TRMO: variants seen among roughly 807,000 people sequenced by gnomAD.
The protein encoded by TRMO is tRNA (adenine(37)-N6)-methyltransferase.
A neutral mutation model predicts 37.2 loss-of-function variants in TRMO; 30 were observed. The observed-to-expected ratio is 0.81, with a 90% CI of 0.60 to 1.09. The LOEUF (loss-of-function observed/expected upper bound fraction) is 1.09, where lower values mean the gene tolerates loss of function less well. Among genes scored for constraint, TRMO ranks in the 50% least tolerant of loss-of-function variants. The pLI, the probability that TRMO is intolerant of heterozygous loss-of-function variation, is 0.00. For missense variants in TRMO, 552 were observed against 549.5 expected, an observed-to-expected ratio of 1.00 and a Z score of -0.05; for synonymous variants, 239 against 199.4, an observed-to-expected ratio of 1.20 and a Z score of -1.67.
At chr9:97,916,457 T>C in intron 1 of TRMO, 119 bp from the exon 2 acceptor site, 2 of 679,744 alleles carry the variant, frequency 2.9e-6, no homozygotes, top group Non-Finnish European at 2.5e-6. Flanking sequence ...CGTGCAACTA[T>C]AAAAATGATT....
At chr9:97,913,931 T>C (rs1045070264) in intron 2 of TRMO, 1 of 158,190 alleles carries the variant, frequency 6.3e-6, no homozygotes, top group Non-Finnish European at 1.4e-5. Flanking sequence ...ATATAATTTA[T>C]CCCCCATTTT....
chr9:97,921,157 A>G (rs1280323133), intron 1 of TRMO, among the ~76,000 whole-genome samples: 1 of 152,272 alleles, frequency 6.6e-6, no homozygotes, highest in East Asian at 1.9e-4. Context: ...TTTAGAATGT[A>G]CACAAACATT....
intron 1 of TRMO, among the ~76,000 whole-genome samples, chr9:97,922,139 G>A (rs558964850): frequency 2.6e-5 from 4 of 152,240 alleles, no homozygotes; most frequent in African/African-American, 7.2e-5. Context: ...ACCCCTAAGA[G>A]AAAAGCCCCT....
chr9:97,919,851 A>G (rs1357226983), intron 1 of TRMO, among the ~76,000 whole-genome samples: 1 of 152,206 alleles, frequency 6.6e-6, no homozygotes, highest in Non-Finnish European at 1.5e-5. Context: ...ACAACACTGG[A>G]TTAGCAATGA....
At chr9:97,911,511 C>A (rs971646370) in intron 3 of TRMO, 1 of 152,266 alleles carries the variant, frequency 6.6e-6, no homozygotes, top group African/African-American at 2.4e-5. Flanking sequence ...TATCAGCTGA[C>A]AATTTAATTG....
At chr9:97,916,651 T>C (rs1826375249) in intron 1 of TRMO, among the ~76,000 whole-genome samples, 1 of 151,334 alleles carries the variant, frequency 6.6e-6, no homozygotes, top group Admixed American at 6.6e-5. Flanking sequence ...TAAAATTCTA[T>C]GCTACCAATA....
chr9:97,915,934 A>G (rs1019654482), intron 2 of TRMO: 2 of 340,396 alleles, frequency 5.9e-6, no homozygotes, highest in Non-Finnish European at 1.1e-5. Context: ...CCAGCTACTC[A>G]GGAGGCTGAG....
At chr9:97,922,284 C>G (rs911232004) in intron 1 of TRMO, 134 bp downstream of exon 1, 3 of 655,708 alleles carry the variant, frequency 4.6e-6, no homozygotes, top group Non-Finnish European at 8.0e-6. Context: ...GCACGTGACC[C>G]GTGCCTTCGC....
In TRMO at chr9:97,904,876, G is replaced by A. The variant is rs760298269; in HGVS notation, c.1183C>T (p.Arg395Cys). The A allele has an allele frequency of 1.3e-5, 21 of 1,614,058 alleles. No homozygotes were observed. The highest frequency in any genetic ancestry group is 4.5e-5 in the East Asian group (2 of 44,896). ...SVYRRKLCQDRLFYFTVDIAH... is the reference protein window; with the variant it reads ...SVYRRKLCQDCLFYFTVDIAH... ...ATGTCTACAGTAAAGTAGAAAAGGCGGTCCTGGCAAAGCTTCCGGCGGTAC... is the reference window on the plus strand; with the variant it reads ...ATGTCTACAGTAAAGTAGAAAAGGCAGTCCTGGCAAAGCTTCCGGCGGTAC... Residue 395 changes from arginine to cysteine, a missense_variant, in exon 5 of 5, where the codon CGC becomes TGC. Coordinates refer to ENST00000375119, the MANE Select transcript of TRMO (RefSeq NM_016481.5).
At chr9:97,897,347 T>C in the TRMO span, among the ~76,000 whole-genome samples, 1 of 152,232 alleles carries the variant, frequency 6.6e-6, no homozygotes, top group Non-Finnish European at 1.5e-5. Flanking sequence ...GGGGTTTTTC[T>C]GTAAAGGGCC....
At chr9:97,908,269 G>A (rs1434565677) in intron 4 of TRMO, among the ~76,000 whole-genome samples, 3 of 152,078 alleles carry the variant, frequency 2.0e-5, no homozygotes, top group Admixed American at 6.6e-5. Context: ...AAAATTAGCT[G>A]GGTGTGGTGG....
intron 3 of TRMO, 77 bp from the exon 4 acceptor site, chr9:97,910,693 C>T: frequency 6.6e-7 from 1 of 1,518,718 alleles, no homozygotes; most frequent in Non-Finnish European, 8.9e-7. Flanking sequence ...AATCCTCTAA[C>T]ACTGTCTGCT....
At chr9:97,906,718 T>C (rs1220601485) in intron 4 of TRMO, among the ~76,000 whole-genome samples, 1 of 151,794 alleles carries the variant, frequency 6.6e-6, no homozygotes, top group African/African-American at 2.4e-5. Context: ...GGCTCACGCC[T>C]GTAATCCCAG....
Position 97,922,474 on chromosome 9 carries a change from G to A in TRMO, c.20C>T (p.Ser7Leu), listed in dbSNP as rs764684064. MRGLEE[S>L]GPRPTATPCG... is the part of the protein sequence containing the mutation. ...CGGGGTCGCTGTAGGCCGAGGCCCC[G>A]ACTCCTCCAAGCCGCGCATGGCTAC... is the stretch of plus-strand genomic sequence containing the variant. Residue 7 changes from serine to leucine, a missense_variant, in exon 1 of 5, where the codon TCG (serine) becomes TTG (leucine). Transcript: ENST00000375119. 3.8e-6 allele frequency: 6 copies of A among 1,584,660 alleles called. No homozygotes were observed. Among genetic ancestry groups the A allele is most frequent in the Non-Finnish European group, 5.1e-6 (6 of 1,166,942 alleles).
chr9:97,909,708 G>A (rs1826020877), intron 4 of TRMO, among the ~76,000 whole-genome samples: 2 of 152,198 alleles, frequency 1.3e-5, no homozygotes, highest in Admixed American at 6.5e-5. Flanking sequence ...GTAAGTCATA[G>A]GCCACCTTGT....
At chr9:97,906,709 G>T (rs923966281) in intron 4 of TRMO, among the ~76,000 whole-genome samples, 4 of 151,900 alleles carry the variant, frequency 2.6e-5, no homozygotes, top group African/African-American at 9.7e-5. Context: ...GGGTGTGGTG[G>T]CTCACGCCTG....
chr9:97,902,852 G>T (rs754129912), downstream of TRMO, among the ~76,000 whole-genome samples: 1 of 152,244 alleles, frequency 6.6e-6, no homozygotes, highest in South Asian at 2.1e-4. Context: ...CTATAGTTAT[G>T]TAAGATGGAA....
At chr9:97,916,078 G>A in intron 2 of TRMO, 86 bp downstream of exon 2, 1 of 934,874 alleles carries the variant, frequency 1.1e-6, no homozygotes. Context: ...CTGGATGGCA[G>A]ACTCCAAGGT....
intron 4 of TRMO, among the ~76,000 whole-genome samples, chr9:97,905,552 A>G (rs1822134711): frequency 6.6e-6 from 1 of 150,620 alleles, no homozygotes; most frequent in African/African-American, 2.5e-5. Flanking sequence ...AAGAAACAGC[A>G]AAACTTCCTA....
Sources: allele counts gnomAD v4.1 joint callset (sites outside exome capture counted in the v4.1 genomes callset), GRCh38; gene constraint gnomAD v4.1.1; transcripts MANE v1.5; gene names NCBI Gene and HGNC (gene_info 2026-07-23, HGNC 2026-07-21).